Variants in GOT1 observed in about 807,000 individuals in gnomAD.
GOT1 encodes the protein glutamic-oxaloacetic transaminase 1, also known as aspartate aminotransferase, cytoplasmic.
A neutral mutation model predicts 48.2 loss-of-function variants in GOT1; 25 were observed. The observed-to-expected ratio is 0.52, with a 90% CI of 0.38 to 0.72. The LOEUF is 0.72. Among genes scored for constraint, GOT1 ranks in the 30% least tolerant of loss-of-function variants. GOT1 has a pLI of 0.00. For missense variants in GOT1, 380 were observed against 520.1 expected, an observed-to-expected ratio of 0.73 and a Z score of 2.62; for synonymous variants, 188 against 193.8, an observed-to-expected ratio of 0.97 and a Z score of 0.25.
intron 2 of GOT1, among the ~76,000 whole-genome samples, chr10:99,414,403 A>G (rs997519575): frequency 1.3e-5 from 2 of 152,334 alleles, no homozygotes; most frequent in South Asian, 2.1e-4. Context: ...TCCTAAATAT[A>G]TATGCACCCA....
At chr10:99,427,879 C>A (rs896555674) in intron 1 of GOT1, among the ~76,000 whole-genome samples, 18 of 152,192 alleles carry the variant, frequency 1.2e-4, no homozygotes, top group Non-Finnish European at 2.9e-5. Context: ...GGCTTCCTTG[C>A]CTCTAAACAG....
chr10:99,419,866 C>G lies in GOT1; in HGVS notation c.300+758G>C, dbSNP rs541448171. On this transcript the variant is annotated intron_variant, in intron 2 of 8. Coordinates refer to ENST00000370508, the MANE Select transcript of GOT1 (RefSeq NM_002079.3). The stretch of plus-strand genomic sequence containing the variant: ...GGTCTCCCTCCCCTCTGAATTCCTA[C>G]AACACTGAGAATCTGTTCCACTTCC... 5.1e-4 allele frequency among the ~76,000 whole-genome samples: 77 copies of G among 152,338 alleles called. 1 individual carries two copies. The highest frequency in any genetic ancestry group is 1.9e-3 in the African/African-American group (77 of 41,582).
intron 5 of GOT1, 113 bp downstream of exon 5, chr10:99,405,643 G>T: frequency 1.8e-5 from 11 of 621,102 alleles, no homozygotes; most frequent in South Asian, 6.0e-5. Context: ...TTCTTCTTTG[G>T]ACTTTTCTCC....
intron 1 of GOT1, among the ~76,000 whole-genome samples, chr10:99,427,085 G>C (rs1270138099): frequency 1.3e-5 from 2 of 152,098 alleles, no homozygotes; most frequent in Non-Finnish European, 2.9e-5. Flanking sequence ...TCACAGTGAT[G>C]ATCAAAAATA....
rs150468091 is a variant in GOT1, at chr10:99,405,802, A to G, written c.596T>C (p.Ile199Thr). Residue 199 changes from isoleucine to threonine, a missense_variant, in exon 5 of 9, where the codon ATT (isoleucine) becomes ACT (threonine). Transcript: ENST00000370508. ...CTTCCACTGCTCCGGAGTTGGGTCA[A>G]TCCCAGTTGGGTTGTGTGCACAGGC... is the stretch of plus-strand genomic sequence containing the variant. Reference protein sequence around the residue: ...LHACAHNPTGIDPTPEQWKQI... With the variant: ...LHACAHNPTGTDPTPEQWKQI... 1.4e-4 allele frequency: 221 copies of G among 1,612,278 alleles called. No individual in the cohort carries two copies. The highest frequency in any genetic ancestry group is 3.1e-4 in the African/African-American group (23 of 75,018).
intron 1 of GOT1, among the ~76,000 whole-genome samples, chr10:99,426,420 C>T (rs776122617): frequency 3.3e-5 from 5 of 152,190 alleles, no homozygotes; most frequent in Non-Finnish European, 5.9e-5. Context: ...TATTAGGATA[C>T]TGGGGAGAAG....
At chr10:99,417,905 G>A (rs1360941671) in intron 2 of GOT1, among the ~76,000 whole-genome samples, 1 of 152,102 alleles carries the variant, frequency 6.6e-6, no homozygotes, top group East Asian at 1.9e-4. Context: ...CTGTTGTGGG[G>A]TGCGGAGAGG....
chr10:99,415,227 CA>C (rs2032880138), intron 2 of GOT1, among the ~76,000 whole-genome samples: 1 of 151,992 alleles, frequency 6.6e-6, no homozygotes, highest in Non-Finnish European at 1.5e-5. Context: ...AGAGAAGAAC[CA>C]AATAGACGCA....
At chr10:99,415,897 C>T (rs1013260051) in intron 2 of GOT1, among the ~76,000 whole-genome samples, 3 of 152,164 alleles carry the variant, frequency 2.0e-5, no homozygotes, top group Admixed American at 2.0e-4. Context: ...AACAGCCGTT[C>T]ATGCTAAAAA....
chr10:99,427,799 C>G (rs2033060767), intron 1 of GOT1, among the ~76,000 whole-genome samples: 1 of 152,158 alleles, frequency 6.6e-6, no homozygotes, highest in Non-Finnish European at 1.5e-5. Flanking sequence ...AGAGACCTGG[C>G]CTGGATTCCC....
intron 4 of GOT1, 59 bp from the exon 5 acceptor site, chr10:99,405,919 C>T: frequency 9.9e-7 from 1 of 1,008,288 alleles, no homozygotes; most frequent in East Asian, 2.4e-5. Context: ...GAGACAGAGT[C>T]AGCAGCAGAT....
intron 2 of GOT1, among the ~76,000 whole-genome samples, chr10:99,418,154 G>A (rs1037563020): frequency 6.6e-6 from 1 of 151,848 alleles, no homozygotes; most frequent in Non-Finnish European, 1.5e-5. Flanking sequence ...TATCCAAAAA[G>A]TATATCTTCA....
intron 4 of GOT1, 54 bp downstream of exon 4, chr10:99,406,083 G>T: frequency 8.2e-7 from 1 of 1,214,824 alleles, no homozygotes; most frequent in Non-Finnish European, 1.2e-6. Context: ...CAAAGACTTT[G>T]CCTGAGATTC....
At position 99,402,355 on chromosome 10, in the gene GOT1, A is replaced by C. The variant is rs79136796; in HGVS notation, c.1102+225T>G. On this transcript the variant is annotated intron_variant, in intron 8 of 8. Transcript: ENST00000370508. ...CTTCCCAGCCCACAAACACGGAAAT[A>C]TCTTGGCTGTGGGTCAGCAGGGCAG... 3.2e-3 allele frequency among the ~76,000 whole-genome samples: 485 copies of C among 152,298 alleles called. 2 individuals are homozygous for C. Among genetic ancestry groups the C allele is most frequent in the Admixed American group, 7.5e-3 (115 of 15,300 alleles).
chr10:99,425,068 A>G (rs1266789299), intron 1 of GOT1, among the ~76,000 whole-genome samples: 1 of 152,262 alleles, frequency 6.6e-6, no homozygotes, highest in East Asian at 1.9e-4. Context: ...ATAAGATCCC[A>G]TCTGCCCTCC....
At chr10:99,425,298 A>G (rs1207723810) in intron 1 of GOT1, among the ~76,000 whole-genome samples, 1 of 152,210 alleles carries the variant, frequency 6.6e-6, no homozygotes, top group Non-Finnish European at 1.5e-5. Flanking sequence ...TCCACTAAGG[A>G]TTAGCTGGGA....
chr10:99,420,892 C>G, intron 1 of GOT1, 87 bp from the exon 2 acceptor site: 1 of 1,067,364 alleles, frequency 9.4e-7, no homozygotes. Context: ...GAGAATCCCA[C>G]CACCTTCCGG....
chr10:99,407,234 C>A (rs1564970478), intron 2 of GOT1, among the ~76,000 whole-genome samples: 1 of 152,110 alleles, frequency 6.6e-6, no homozygotes, highest in African/African-American at 2.4e-5. Flanking sequence ...GGAAGGCAAA[C>A]CCATCTCTTC....
chr10:99,406,787 C>T lies in GOT1; in HGVS notation c.363G>A (p.Ala121=), dbSNP rs2234971. 0.12 allele frequency: 193,533 copies of T among 1,613,078 alleles called. 12,952 individuals are homozygous for T. The highest frequency in any genetic ancestry group is 0.26 in the Admixed American group (15,304 of 59,968). Residue 121 remains alanine (A), a synonymous_variant, in exon 3 of 9, where the codon GCG becomes GCA. Transcript: ENST00000370508. ...GALRIGADFL[A]RWYNGTNNKN... ...TGTTGTTTGTTCCATTGTACCAACG[C>T]GCTAAGAAATCAGCTCCAATTCGAA...
Sources: allele counts gnomAD v4.1 joint callset (sites outside exome capture counted in the v4.1 genomes callset), GRCh38; gene constraint gnomAD v4.1.1; transcripts MANE v1.5; gene names NCBI Gene and HGNC (gene_info 2026-07-23, HGNC 2026-07-21).